CACNB2: variants seen among roughly 807,000 people sequenced by gnomAD.
CACNB2 encodes calcium voltage-gated channel auxiliary subunit beta 2.
In CACNB2, 42 loss-of-function variants were observed where a neutral mutation model predicts 73.3. The observed-to-expected ratio is 0.57, with a 90% CI of 0.45 to 0.74. The LOEUF (loss-of-function observed/expected upper bound fraction) is 0.74, where lower values mean the gene tolerates loss of function less well. Among genes scored for constraint, CACNB2 ranks in the 30% least tolerant of loss-of-function variants. CACNB2 has a pLI of 0.00. For synonymous variants in CACNB2, 348 were observed against 310.3 expected, an observed-to-expected ratio of 1.12 and a Z score of -1.28; for missense variants, 940 against 853.0, an observed-to-expected ratio of 1.10 and a Z score of -1.27.
At chr10:18,509,559 G>T (rs987610159) in intron 6 of CACNB2, among the ~76,000 whole-genome samples, 2 of 152,126 alleles carry the variant, frequency 1.3e-5, no homozygotes, top group African/African-American at 4.8e-5. Context: ...AGCACTTTGG[G>T]AGGCTGAGGC....
At chr10:18,340,757 G>T (rs1230398624) in intron 2 of CACNB2, 2 of 1,522,798 alleles carry the variant, frequency 1.3e-6, no homozygotes, top group Admixed American at 2.1e-5. Context: ...ACGAACTTTA[G>T]AAAGTCACAC....
intron 10 of CACNB2, chr10:18,533,458 T>A (rs1208359233): frequency 6.5e-6 from 1 of 152,818 alleles, no homozygotes; most frequent in African/African-American, 2.4e-5. Context: ...TTGTGATAAG[T>A]TTCTATAAAT....
At chr10:18,510,547 C>A (rs2050710326) in intron 6 of CACNB2, among the ~76,000 whole-genome samples, 1 of 152,190 alleles carries the variant, frequency 6.6e-6, no homozygotes, top group African/African-American at 2.4e-5. Flanking sequence ...AAGTGATCCA[C>A]CCACCATGGC....
intron 2 of CACNB2, among the ~76,000 whole-genome samples, chr10:18,315,939 A>G (rs976676546): frequency 6.6e-6 from 1 of 152,268 alleles, no homozygotes; most frequent in Non-Finnish European, 1.5e-5. Flanking sequence ...TTCGGAGTAC[A>G]GACAGTAGCA....
intron 2 of CACNB2, among the ~76,000 whole-genome samples, chr10:18,176,998 C>T (rs911451234): frequency 6.6e-6 from 1 of 151,862 alleles, no homozygotes; most frequent in Non-Finnish European, 1.5e-5. Flanking sequence ...GAGGGAGGTA[C>T]CCTCCACATT....
At chr10:18,363,527 T>C (rs1476698347) in intron 2 of CACNB2, among the ~76,000 whole-genome samples, 1 of 152,354 alleles carries the variant, frequency 6.6e-6, no homozygotes, top group South Asian at 2.1e-4. Context: ...TCAAAGAGTG[T>C]GCACTCTCTG....
intron 3 of CACNB2, among the ~76,000 whole-genome samples, chr10:18,428,410 G>A (rs760886468): frequency 2.6e-5 from 4 of 152,140 alleles, no homozygotes; most frequent in Non-Finnish European, 5.9e-5. Context: ...TTTCTGGCCA[G>A]GCATGGTGGC....
chr10:18,538,223 C>G lies in CACNB2; in HGVS notation c.1346C>G (p.Ala449Gly). ...TTGGATGAGAACCAGCTTGAGGATG[C>G]CTGTGAGCACCTTGCCGACTATCTG... Reference protein sequence around the residue: ...VILDENQLEDACEHLADYLEA... With the variant: ...VILDENQLEDGCEHLADYLEA... Residue 449 changes from alanine (A) to glycine (G), a missense_variant, in exon 13 of 14, where the codon GCC (alanine) becomes GGC (glycine). Transcript: ENST00000324631. 6.2e-7 allele frequency: 1 copy of G among 1,614,024 alleles called. No individual in the cohort carries two copies. The highest frequency in any genetic ancestry group is 8.5e-7 in the Non-Finnish European group (1 of 1,179,984).
chr10:18,426,701 TA>T (rs949676701), intron 3 of CACNB2, among the ~76,000 whole-genome samples: 2 of 152,164 alleles, frequency 1.3e-5, no homozygotes, highest in Non-Finnish European at 1.5e-5. Context: ...AATTAAAAAA[TA>T]AAATTCTGTT....
At chr10:18,532,689 AAAAAAAACAAAAC>A (rs1410222805) in intron 10 of CACNB2, among the ~76,000 whole-genome samples, 1 of 58,620 alleles carries the variant, frequency 1.7e-5, no homozygotes, top group African/African-American at 7.0e-5. Flanking sequence ...AAAAAAAAAA[AAAAAAAACAAAAC>A]AAAAAAACAA....
Position 18,484,003 on chromosome 10 carries a change from G to A in CACNB2, c.334-14352G>A, listed in dbSNP as rs372143815. On this transcript the variant is annotated intron_variant, in intron 3 of 13. Coordinates refer to ENST00000324631, the MANE Select transcript of CACNB2 (RefSeq NM_201596.3). ...GTGAATATTTGCTGGGCCACATTTC[G>A]TGGGCTGAGACTCTTCAAAAAATGA... Among the ~76,000 whole-genome samples the A allele has an allele frequency of 5.9e-5, 9 of 152,268 alleles. No homozygotes were observed. The East Asian group carries it at 7.7e-4, about 13-fold the overall frequency.
At chr10:18,463,988 G>C (rs1451082909) in intron 3 of CACNB2, among the ~76,000 whole-genome samples, 1 of 151,832 alleles carries the variant, frequency 6.6e-6, no homozygotes, top group Non-Finnish European at 1.5e-5. Context: ...CTAACACATT[G>C]CTCCCAACAA....
At chr10:18,467,570 C>T (rs764892095) in intron 3 of CACNB2, among the ~76,000 whole-genome samples, 2 of 152,218 alleles carry the variant, frequency 1.3e-5, no homozygotes, top group African/African-American at 2.4e-5. Flanking sequence ...GACTAACATA[C>T]GCGTTAATTG....
At chr10:18,193,738 G>A (rs1036043966) in intron 2 of CACNB2, among the ~76,000 whole-genome samples, 1 of 152,084 alleles carries the variant, frequency 6.6e-6, no homozygotes, top group African/African-American at 2.4e-5. Context: ...AAAGCTTTCT[G>A]GACAAACAGA....
chr10:18,365,266 G>T (rs1419363533), intron 2 of CACNB2, among the ~76,000 whole-genome samples: 2 of 152,144 alleles, frequency 1.3e-5, no homozygotes, highest in East Asian at 3.9e-4. Context: ...AAGCTGATTG[G>T]CTTTGAACGA....
chr10:18,176,463 C>A (rs1168034464), intron 2 of CACNB2, among the ~76,000 whole-genome samples: 1 of 151,966 alleles, frequency 6.6e-6, no homozygotes, highest in East Asian at 1.9e-4. Context: ...AAAAGCATTG[C>A]AGAAGAAATT....
At chr10:18,467,338 A>G (rs754428475) in intron 3 of CACNB2, among the ~76,000 whole-genome samples, 1 of 152,194 alleles carries the variant, frequency 6.6e-6, no homozygotes, top group African/African-American at 2.4e-5. Context: ...AGTATTGGCA[A>G]TTTCACACTT....
chr10:18,201,682 C>T (rs1320653932), intron 2 of CACNB2, among the ~76,000 whole-genome samples: 5 of 152,112 alleles, frequency 3.3e-5, no homozygotes, highest in Admixed American at 6.6e-5. Flanking sequence ...ATAGCATATC[C>T]GTTTTCTTGA....
chr10:18,159,461 GT>G (rs553192681), intron 2 of CACNB2, among the ~76,000 whole-genome samples: 146 of 152,262 alleles, frequency 9.6e-4, no homozygotes, highest in African/African-American at 3.3e-3. Context: ...ATATGCTGTG[GT>G]TGTAACGAAA....
Sources: allele counts gnomAD v4.1 joint callset (sites outside exome capture counted in the v4.1 genomes callset), GRCh38; gene constraint gnomAD v4.1.1; transcripts MANE v1.5; gene names NCBI Gene and HGNC (gene_info 2026-07-23, HGNC 2026-07-21).